The following CLNK variants were observed in gnomAD, a reference collection of about 807,000 sequenced individuals.
CLNK encodes cytokine dependent hematopoietic cell linker.
Under a neutral mutation model 68.6 loss-of-function variants are expected in CLNK, and 74 were observed. The ratio of observed to expected loss-of-function variants is 1.08; its 90% CI spans 0.89 to 1.31. The LOEUF (loss-of-function observed/expected upper bound fraction) is 1.31, where lower values mean the gene tolerates loss of function less well. CLNK is among the 50% of genes most tolerant of loss of function. The pLI, the probability that CLNK is intolerant of heterozygous loss-of-function variation, is 0.00. For synonymous variants in CLNK, 198 were observed against 172.2 expected (o/e 1.15, Z -1.17); for missense variants, 553 against 515.3 (o/e 1.07, Z -0.71).
At chr4:10,719,571 T>G in the CLNK span, among the ~76,000 whole-genome samples, 1 of 151,972 alleles carries the variant, frequency 6.6e-6, no homozygotes, top group Non-Finnish European at 1.5e-5. Flanking sequence ...ATATATGCAC[T>G]GAAAATGGAT....
intron 11 of CLNK, among the ~76,000 whole-genome samples, chr4:10,539,172 C>T (rs565247229): frequency 7.2e-5 from 11 of 152,310 alleles, no homozygotes; most frequent in African/African-American, 2.6e-4. Flanking sequence ...ACTTGAGAGC[C>T]TCTATTCCTT....
At chr4:10,490,967 G>A (rs1205975741) in intron 18 of CLNK, among the ~76,000 whole-genome samples, 1 of 152,170 alleles carries the variant, frequency 6.6e-6, no homozygotes, top group African/African-American at 2.4e-5. Flanking sequence ...GTTTCGCCAT[G>A]TTGGCCAGAC....
intron 3 of CLNK, among the ~76,000 whole-genome samples, chr4:10,596,254 ACCTCAG>A (rs1721380721): frequency 2.0e-5 from 3 of 151,994 alleles, no homozygotes; most frequent in Non-Finnish European, 4.4e-5. Context: ...CGAACTCCTG[ACCTCAG>A]GTGATCCGCC....
chr4:10,582,492 G>A (rs1720818597), intron 4 of CLNK, among the ~76,000 whole-genome samples: 1 of 152,204 alleles, frequency 6.6e-6, no homozygotes, highest in African/African-American at 2.4e-5. Context: ...GCTTAAGACA[G>A]AAGGACCCAC....
At chr4:10,583,565 G>A (rs538683334) in intron 4 of CLNK, among the ~76,000 whole-genome samples, 15 of 152,336 alleles carry the variant, frequency 9.8e-5, no homozygotes, top group African/African-American at 3.6e-4. Context: ...GACTACAGGT[G>A]TGAGTCACCG....
At chr4:10,729,141 C>T in the CLNK span, among the ~76,000 whole-genome samples, 1 of 152,136 alleles carries the variant, frequency 6.6e-6, no homozygotes, top group African/African-American at 2.4e-5. Flanking sequence ...ATGGCTGCTT[C>T]CTCTTCTGAA....
At chr4:10,513,869 A>T (rs1254509844) in intron 15 of CLNK, among the ~76,000 whole-genome samples, 9 of 138,508 alleles carry the variant, frequency 6.5e-5, no homozygotes, top group South Asian at 2.2e-4. Flanking sequence ...ATTTTTTTTT[A>T]AATTATACTT....
chr4:10,501,944 G>C (rs1717071424), intron 17 of CLNK, among the ~76,000 whole-genome samples: 1 of 152,070 alleles, frequency 6.6e-6, no homozygotes, highest in Admixed American at 6.6e-5. Flanking sequence ...AAAACAAAAA[G>C]AAAAAAGAAA....
At chr4:10,675,025 G>A (rs1223276798) in intron 1 of CLNK, among the ~76,000 whole-genome samples, 1 of 152,192 alleles carries the variant, frequency 6.6e-6, no homozygotes, top group African/African-American at 2.4e-5. Flanking sequence ...ACCTAATTAG[G>A]ACAAAGCATG....
chr4:10,491,954 A>G (rs1045179623), intron 18 of CLNK, among the ~76,000 whole-genome samples: 4 of 152,094 alleles, frequency 2.6e-5, no homozygotes, highest in Non-Finnish European at 5.9e-5. Context: ...TGAGCCTTCA[A>G]TGTCCATTCT....
intron 5 of CLNK, among the ~76,000 whole-genome samples, chr4:10,567,653 A>C (rs575968793): frequency 8.5e-5 from 13 of 152,350 alleles, no homozygotes; most frequent in African/African-American, 3.1e-4. Flanking sequence ...GGAATGAAGA[A>C]AATATTTGCA....
At chr4:10,684,072 TG>T (rs1725180612) in intron 1 of CLNK, among the ~76,000 whole-genome samples, 1 of 152,208 alleles carries the variant, frequency 6.6e-6, no homozygotes, top group Non-Finnish European at 1.5e-5. Flanking sequence ...AATAAAAGCC[TG>T]GTAGAGATGA....
chr4:10,637,872 G>C (rs770991369), intron 2 of CLNK, among the ~76,000 whole-genome samples: 40 of 152,084 alleles, frequency 2.6e-4, no homozygotes, highest in Non-Finnish European at 5.7e-4. Flanking sequence ...AAAGTGCTGG[G>C]ATTACAGGCG....
chr4:10,702,939 C>T, the CLNK span, among the ~76,000 whole-genome samples: 10 of 152,054 alleles, frequency 6.6e-5, no homozygotes, highest in Admixed American at 3.3e-4. Flanking sequence ...ACCTTAGAAA[C>T]GGCCAAGGAT....
At position 10,559,433 on chromosome 4, in the gene CLNK, G is replaced by C. The variant is rs148692583; in HGVS notation, c.400-981C>G. On this transcript the variant is annotated intron_variant, in intron 7 of 18. Transcript: ENST00000226951. ...TATTGACTTCTTCATTACACCATCAGCTTTCAATTTCTCCAGGGTTACCTT... is the reference window on the plus strand; with the variant it reads ...TATTGACTTCTTCATTACACCATCACCTTTCAATTTCTCCAGGGTTACCTT... Among the ~76,000 whole-genome samples the C allele has an allele frequency of 1.5e-3, 226 of 152,252 alleles. 1 individual carries two copies. Among genetic ancestry groups the C allele is most frequent in the Admixed American group, 1.7e-3 (26 of 15,300 alleles).
chr4:10,726,235 C>T, the CLNK span, among the ~76,000 whole-genome samples: 1 of 152,174 alleles, frequency 6.6e-6, no homozygotes, highest in Non-Finnish European at 1.5e-5. Context: ...GATTCTCCTG[C>T]CTCACGCCTC....
At chr4:10,707,272 G>C in the CLNK span, among the ~76,000 whole-genome samples, 1 of 152,148 alleles carries the variant, frequency 6.6e-6, no homozygotes, top group Non-Finnish European at 1.5e-5. Flanking sequence ...TTTTAAGAAA[G>C]TTTACAAATT....
At chr4:10,626,153 T>C (rs1722664353) in intron 2 of CLNK, among the ~76,000 whole-genome samples, 1 of 152,170 alleles carries the variant, frequency 6.6e-6, no homozygotes, top group African/African-American at 2.4e-5. Context: ...GCCTGCCCAG[T>C]ACAGCTCTGC....
chr4:10,497,023 A>T (rs960082741), intron 18 of CLNK, among the ~76,000 whole-genome samples: 1 of 152,210 alleles, frequency 6.6e-6, no homozygotes, highest in African/African-American at 2.4e-5. Context: ...TTTGTTCAAG[A>T]TGCCAAGAAT....
Sources: allele counts gnomAD v4.1 joint callset (sites outside exome capture counted in the v4.1 genomes callset), GRCh38; gene constraint gnomAD v4.1.1; transcripts MANE v1.5; gene names NCBI Gene and HGNC (gene_info 2026-07-23, HGNC 2026-07-21).